Variants in EVPL observed in about 807,000 individuals in gnomAD.
EVPL encodes 210 kDa cornified envelope precursor protein.
EVPL carries 94 observed loss-of-function variants against 129.7 expected under a neutral mutation model. The ratio of observed to expected loss-of-function variants is 0.72; its 90% confidence interval spans 0.61 to 0.86. The LOEUF (loss-of-function observed/expected upper bound fraction) is 0.86. Among genes scored for constraint, EVPL ranks in the 40% least tolerant of loss-of-function variants. The pLI is 0.00. For synonymous variants in EVPL, 1,172 were observed against 1,191.1 expected (o/e 0.98, Z 0.33); for missense variants, 2,625 against 2,721.1 (o/e 0.96, Z 0.79).
At position 76,012,310 on chromosome 17, in the gene EVPL, C is replaced by CTTTTT. The variant is rs11371360; in HGVS notation, c.2374-226_2374-222dup. 4.2e-3 allele frequency: 1,634 copies of CTTTTT among 384,636 alleles called. 3 individuals carry two copies. The highest frequency in any genetic ancestry group is 0.016 in the East Asian group (347 of 21,824). The allele number at this position is 384,636 out of a possible 1,614,324, so 23.8% of individuals were successfully genotyped here. On this transcript the variant is annotated intron_variant, in intron 18 of 21. Transcript: ENST00000301607. Reference sequence around the variant, plus strand: ...CACCTTGGCAGAATCCCTTTCTTTCCTTTTTTTTTTTTTTGAGACCAAGTC... The same window carrying CTTTTT: ...CACCTTGGCAGAATCCCTTTCTTTCCTTTTTTTTTTTTTTTTTTTGAGACCAAGTC...
rs1170209923 is a variant in EVPL, at chr17:76,010,395, G to A, written c.2810C>T (p.Ala937Val). The change falls in exon 22 of 22, where the codon GCG becomes GTG. Residue 937 changes from alanine to valine, a missense_variant. By Grantham distance (64) the Ala-to-Val change is moderately conservative. This residue lies in a region of EVPL where 1,453 missense variants were observed against 1,511.8 expected (regional missense o/e 0.96). Coordinates refer to ENST00000301607, the MANE Select transcript of EVPL (RefSeq NM_001988.4). The part of the protein sequence containing the change: ...RVARVQHELE[A>V]QRSQLLQLRT... ...CAGCTGCAGCAGTTGGCTCCTCTGC[G>A]CCTCCAGCTCATGCTGCACCCGGGC... is the stretch of plus-strand genomic sequence containing the variant. 7 of 1,613,746 alleles carry A rather than the reference G, an allele frequency of 4.3e-6. No homozygotes were observed. Among genetic ancestry groups the A allele is most frequent in the African/African-American group, 2.7e-5 (2 of 74,846 alleles).
chr17:76,010,930 C>T (rs912258040), intron 21 of EVPL, among the ~76,000 whole-genome samples: 12 of 152,150 alleles, frequency 7.9e-5, no homozygotes, highest in Non-Finnish European at 1.3e-4. Flanking sequence ...GGCGTGGTGA[C>T]GCATGCCTGT....
At chr17:76,019,110 C>T (rs1210569331) in intron 10 of EVPL, 50 bp from the exon 11 acceptor site, 3 of 1,502,480 alleles carry the variant, frequency 2.0e-6, no homozygotes, top group Non-Finnish European at 2.6e-6. Flanking sequence ...GCATTGGAGG[C>T]TGGCCACACC....
In EVPL at chr17:76,009,540, C is replaced by T. The variant is rs1328361934; in HGVS notation, c.3665G>A (p.Gly1222Asp). 6.2e-7 allele frequency: 1 copy of T among 1,614,120 alleles called. No individual in the cohort carries two copies. Among genetic ancestry groups the T allele is most frequent in the Non-Finnish European group, 8.5e-7 (1 of 1,180,038 alleles). The change falls in exon 22 of 22, where the codon GGC becomes GAC. Residue 1222 changes from glycine (G) to aspartate (D), a missense_variant. Coordinates refer to ENST00000301607, the MANE Select transcript of EVPL (RefSeq NM_001988.4). The surrounding 1 kb of genome is among the most constrained non-coding windows in gnomAD (Gnocchi z 5.9). ...RLKAKLQEMA[G>D]KRSGVEKEVE... ...CTCCTTCTCCACACCGCTCCTCTTG[C>T]CCGCCATCTCCTGCAGCTTGGCCTT...
intron 8 of EVPL, 30 bp from the exon 9 acceptor site, chr17:76,021,593 C>A: frequency 6.8e-7 from 1 of 1,462,842 alleles, no homozygotes; most frequent in Middle Eastern, 2.3e-4. Context: ...GCCCTCGGAC[C>A]ACGCCCCCCC....
intron 12 of EVPL, 39 bp from the exon 13 acceptor site, chr17:76,018,297 C>T: frequency 6.6e-7 from 1 of 1,522,274 alleles, no homozygotes; most frequent in Non-Finnish European, 8.8e-7. Flanking sequence ...GGTCCCCACT[C>T]TGCCTCTCTC....
In EVPL at chr17:76,022,042, C is replaced by A. The variant is rs1339792419; in HGVS notation, c.646-14G>T. The A allele has an allele frequency of 1.9e-6, 3 of 1,552,690 alleles. No individual in the cohort carries two copies. On this transcript the variant is annotated splice_polypyrimidine_tract_variant and intron_variant, in intron 6 of 21. Coordinates refer to ENST00000301607, the MANE Select transcript of EVPL (RefSeq NM_001988.4). This position sits in a 1 kb window ranked among gnomAD's most constrained non-coding sequence, Gnocchi z 5.6. The stretch of plus-strand genomic sequence containing the variant: ...CGACGCCGCCTTCTGTGCTCAGGAC[C>A]CGCCGCCAGCAGCAGGGTGGGGAGA...
In EVPL at chr17:76,015,255, G is replaced by A. The variant is rs867464217; in HGVS notation, c.2000C>T (p.Ala667Val). Residue 667 changes from alanine to valine, a missense_variant, in exon 16 of 22, where the codon GCT (alanine) becomes GTT (valine). By Grantham distance (64) the Ala-to-Val change is moderately conservative. Around this residue, in one of 4 missense-constraint regions of EVPL, gnomAD observed 1,024 missense variants for 997.5 expected, o/e 1.03. Transcript: ENST00000301607. ...CAGCTCGCTGACCCTCTCCTGCAGA[G>A]CCCCCGGTTCAGCAGGGATGGGGGC... ...QEAPIPAEPG[A>V]LQERVSELQR... 6.2e-7 allele frequency: 1 copy of A among 1,601,260 alleles called. No homozygotes were observed. Among genetic ancestry groups the A allele is most frequent in the Non-Finnish European group, 8.5e-7 (1 of 1,177,962 alleles).
intron 14 of EVPL, among the ~76,000 whole-genome samples, chr17:76,016,682 T>A (rs1357285081): frequency 6.6e-6 from 1 of 151,354 alleles, no homozygotes; most frequent in Non-Finnish European, 1.5e-5. Context: ...GGGAGGCCAA[T>A]GCGGGAGGAT....
At position 76,027,124 on chromosome 17, in the gene EVPL, TTTGGGGGACCCCTTGGCGGGGGAGCCC is replaced by T. The variant is rs754321569; in HGVS notation, c.48_74del (p.Ala20_Pro28del). 4.7e-5 allele frequency: 72 copies of T among 1,528,356 alleles called. No individual in the cohort carries two copies. The highest frequency in any genetic ancestry group is 2.5e-4 in the East Asian group (10 of 40,274). The allele number at this position is 1,528,356 out of a possible 1,614,324, so 94.7% of individuals were successfully genotyped here. A position where few individuals can be genotyped will look rare whatever the true frequency, so the allele number is the denominator to read the frequency against. On this transcript the variant is annotated inframe_deletion, in exon 1 of 22. Coordinates refer to ENST00000301607, the MANE Select transcript of EVPL (RefSeq NM_001988.4). ...ACCGGCTGTGCCTGCTGGGGGAGCC[TTTGGGGGACCCCTTGGCGGGGGAGCCC>T]TTGGGGGACCCCTTCCCCTGGGAGC...
chr17:76,019,081 G>C (rs753143694), intron 10 of EVPL, 21 bp from the exon 11 acceptor site: 12 of 1,563,678 alleles, frequency 7.7e-6, no homozygotes, highest in Middle Eastern at 2.0e-4. Flanking sequence ...CCCAGGCAGT[G>C]GGGGACTCAG....
In EVPL at chr17:76,015,310, G is replaced by T. The variant is rs375151195; in HGVS notation, c.1945C>A (p.Arg649=). Residue 649 remains arginine (R), a synonymous_variant, in exon 16 of 22, where the codon CGA becomes AGA. Coordinates refer to ENST00000301607, the MANE Select transcript of EVPL (RefSeq NM_001988.4). ...RQIQDADRVI[R]GFEATLVQEA... is the part of the protein sequence containing the mutation. ...TGCACCAGGGTGGCCTCGAAGCCTCGGATGACCCTGTCCGCATCCTGGATC... is the reference window on the plus strand; with the variant it reads ...TGCACCAGGGTGGCCTCGAAGCCTCTGATGACCCTGTCCGCATCCTGGATC... 1.2e-6 allele frequency: 2 copies of T among 1,602,900 alleles called. No homozygotes were observed. Among genetic ancestry groups the T allele is most frequent in the South Asian group, 2.2e-5 (2 of 90,610 alleles).
intron 2 of EVPL, 32 bp from the exon 3 acceptor site, chr17:76,023,686 G>A: frequency 6.6e-7 from 1 of 1,508,228 alleles, no homozygotes; most frequent in Non-Finnish European, 8.9e-7. Flanking sequence ...ACTGGCCAGG[G>A]CCCAGAGCCC....
rs1420257502 is a variant in EVPL at position 76,017,776 on chromosome 17, G to C, written c.1673C>G (p.Pro558Arg). ...GATGCGGCCCTCCAAGTCCTCCAAG[G>C]GTGTGGGGCGGCTCAGCGGGGCCCG... ...WARAPLSRPTPLEDLEGRIHS... is the reference protein window; with the variant it reads ...WARAPLSRPTRLEDLEGRIHS... The change falls in exon 14 of 22, where the codon CCC becomes CGC. Residue 558 changes from proline to arginine, a missense_variant. By Grantham distance (103) the Pro-to-Arg change is moderately radical (BLOSUM62 -2). Around this residue, in one of 4 missense-constraint regions of EVPL, gnomAD observed 1,024 missense variants for 997.5 expected, o/e 1.03. Coordinates refer to ENST00000301607, the MANE Select transcript of EVPL (RefSeq NM_001988.4). 1.2e-6 allele frequency: 2 copies of C among 1,613,152 alleles called. No individual in the cohort carries two copies. The highest frequency in any genetic ancestry group is 1.1e-5 in the South Asian group (1 of 91,078).
rs915051955 is a variant in EVPL at position 76,018,175 on chromosome 17, C to G, written c.1523G>C (p.Arg508Pro). Residue 508 changes from arginine to proline, a missense_variant, in exon 13 of 22, where the codon CGG becomes CCG. Physicochemically the swap from Arg to Pro is moderately radical, Grantham distance 103 (BLOSUM62 -2). Around this residue, in one of 4 missense-constraint regions of EVPL, gnomAD observed 1,024 missense variants for 997.5 expected, o/e 1.03. Transcript: ENST00000301607. ...RLKASAVESL[R>P]PSQQAPSGSD... ...ACCCTGGGTACCCTGCTGGCTGGGCCGAAGAGACTCCACAGCACTGGCCTT... is the reference window on the plus strand; with the variant it reads ...ACCCTGGGTACCCTGCTGGCTGGGCGGAAGAGACTCCACAGCACTGGCCTT... 15 of 1,550,876 alleles carry G rather than the reference C, an allele frequency of 9.7e-6. No individual in the cohort carries two copies. Among genetic ancestry groups the G allele is most frequent in the South Asian group, 1.2e-5 (1 of 84,054 alleles).
rs967163924 is a variant in EVPL, at chr17:76,018,197, C to T, written c.1501G>A (p.Ala501Thr). The T allele has an allele frequency of 6.4e-6, 10 of 1,551,010 alleles. No homozygotes were observed. The highest frequency in any genetic ancestry group is 8.7e-6 in the Non-Finnish European group (10 of 1,146,912). ...GGCCGAAGAGACTCCACAGCACTGG[C>T]CTTCAGGCGGCTCTGGACTGTGGCC... ...KLATVQSRLK[A>T]SAVESLRPSQ... Residue 501 changes from alanine to threonine, a missense_variant, in exon 13 of 22, where the codon GCC (alanine) becomes ACC (threonine). By Grantham distance (58) the Ala-to-Thr change is moderately conservative. Coordinates refer to ENST00000301607, the MANE Select transcript of EVPL (RefSeq NM_001988.4).
In EVPL at chr17:76,009,402, C is replaced by G; in HGVS notation, c.3803G>C (p.Arg1268Pro). 2.5e-6 allele frequency: 4 copies of G among 1,614,020 alleles called. No individual in the cohort carries two copies. Among genetic ancestry groups the G allele is most frequent in the Non-Finnish European group, 3.4e-6 (4 of 1,179,998 alleles). ...VRHERSPEVL[R>P]EIDRLKAQLN... is the part of the protein sequence containing the mutation. ...CTGAGCCTTCAGGCGGTCGATCTCA[C>G]GCAGCACCTCGGGGCTCCTCTCATG... Residue 1268 changes from arginine (R) to proline (P), a missense_variant, in exon 22 of 22, where the codon CGT (arginine) becomes CCT (proline). Physicochemically the swap from Arg to Pro is moderately radical, Grantham distance 103. This residue lies in a region of EVPL where 1,453 missense variants were observed against 1,511.8 expected (regional missense o/e 0.96). Coordinates refer to ENST00000301607, the MANE Select transcript of EVPL (RefSeq NM_001988.4). The surrounding 1 kb of genome is among the most constrained non-coding windows in gnomAD (Gnocchi z 5.9).
At position 76,023,654 on chromosome 17, in the gene EVPL, C is replaced by T. The variant is rs1414732398; in HGVS notation, c.199G>A (p.Asp67Asn). 3.2e-6 allele frequency: 5 copies of T among 1,561,960 alleles called. No homozygotes were observed. The highest frequency in any genetic ancestry group is 4.3e-6 in the Non-Finnish European group (5 of 1,152,528). The change falls in exon 3 of 22, where the codon GAC becomes AAC. Residue 67 changes from aspartate to asparagine, a missense_variant and splice_region_variant. By Grantham distance (23) the Asp-to-Asn change is conservative. Coordinates refer to ENST00000301607, the MANE Select transcript of EVPL (RefSeq NM_001988.4). ...ILETQKRLQQ[D>N]RLNSEQSQAL... ...TGGCTCTGCTCACTGTTCAGCCGGT[C>T]CTGTGGGCAGGAGATGGGCAGACTG...
rs574542663 is a variant in EVPL, at chr17:76,006,864, G to C, written c.*239C>G. ...CACATGGCACGGGGAGACAGAATTC[G>C]TTTATTGGGATCACTGGGTGGAGGT... On this transcript the variant is annotated 3_prime_UTR_variant, in exon 22 of 22. Transcript: ENST00000301607. The C allele has an allele frequency of 3.3e-5, 13 of 397,228 alleles. No individual in the cohort carries two copies. In the South Asian group the frequency reaches 1.5e-3, roughly 46 times the overall value. The allele number at this position is 397,228 out of a possible 1,614,324, so 24.6% of individuals were successfully genotyped here.
Sources: gnomAD v4.1 joint callset for allele counts (sites outside exome capture counted in the v4.1 genomes callset) on GRCh38, gnomAD v4.1.1 for gene constraint, gnomAD v4.1.1 regional missense constraint, Gnocchi (gnomAD v3.1) non-coding constraint, MANE v1.5 for transcripts, NCBI Gene and HGNC (gene_info 2026-07-23, HGNC 2026-07-21) for gene names.